The following AGBL4 variants were observed in gnomAD, a reference collection of about 807,000 sequenced individuals.
AGBL4 encodes AGBL carboxypeptidase 4, also known as cytosolic carboxypeptidase 6.
A neutral mutation model predicts 66.4 loss-of-function variants in AGBL4; 58 were observed. The ratio of observed to expected loss-of-function variants is 0.87; its 90% CI spans 0.71 to 1.09. The LOEUF is 1.09. Among genes scored for constraint, AGBL4 ranks in the 50% least tolerant of loss-of-function variants. The probability of loss-of-function intolerance (pLI) is 0.00; values close to 1 mark genes in which losing one functional copy is unlikely to be tolerated. For missense variants in AGBL4, 579 were observed against 631.0 expected (o/e 0.92, Z 0.88); for synonymous variants, 234 against 222.9 (o/e 1.05, Z -0.44).
At chr1:49,382,373 T>G (rs181198771) in intron 3 of AGBL4, among the ~76,000 whole-genome samples, 157 of 152,088 alleles carry the variant, frequency 1.0e-3, no homozygotes, top group African/African-American at 3.7e-3. Flanking sequence ...GCAATCAGTA[T>G]AATACACCAT....
chr1:49,098,677 T>C (rs1028265487), intron 4 of AGBL4, among the ~76,000 whole-genome samples: 1 of 152,086 alleles, frequency 6.6e-6, no homozygotes, highest in African/African-American at 2.4e-5. Flanking sequence ...CCTAATGACA[T>C]GAGGGTGGTC....
chr1:49,330,541 C>T (rs1167559442), intron 3 of AGBL4, among the ~76,000 whole-genome samples: 1 of 152,126 alleles, frequency 6.6e-6, no homozygotes, highest in Admixed American at 6.6e-5. Context: ...TGCTATTTAG[C>T]ATTTCTATAG....
intron 5 of AGBL4, among the ~76,000 whole-genome samples, chr1:49,031,258 T>C (rs531099954): frequency 4.5e-4 from 68 of 152,054 alleles, no homozygotes; most frequent in Non-Finnish European, 7.2e-4. Context: ...TGGCTAAATT[T>C]TGTATTTTTT....
At chr1:49,654,831 T>A (rs1646088160) in intron 3 of AGBL4, among the ~76,000 whole-genome samples, 1 of 152,172 alleles carries the variant, frequency 6.6e-6, no homozygotes, top group East Asian at 1.9e-4. Context: ...GCACGTGAGA[T>A]CGGTTTCCTG....
chr1:49,793,248 A>G (rs1644647237), intron 2 of AGBL4, among the ~76,000 whole-genome samples: 1 of 152,166 alleles, frequency 6.6e-6, no homozygotes, highest in South Asian at 2.1e-4. Context: ...CTGGTACTCA[A>G]ATTTCTGTTT....
At chr1:49,643,321 G>C (rs1645821315) in intron 3 of AGBL4, among the ~76,000 whole-genome samples, 1 of 151,638 alleles carries the variant, frequency 6.6e-6, no homozygotes, top group South Asian at 2.1e-4. Context: ...AATAAAAAAG[G>C]AACAGAGTAT....
intron 4 of AGBL4, among the ~76,000 whole-genome samples, chr1:49,153,706 C>T (rs1358823695): frequency 2.0e-5 from 3 of 151,488 alleles, no homozygotes; most frequent in African/African-American, 7.3e-5. Context: ...GGTAATAATA[C>T]CTAAACTCTT....
chr1:49,970,896 T>G (rs1658028204), intron 1 of AGBL4, among the ~76,000 whole-genome samples: 1 of 152,166 alleles, frequency 6.6e-6, no homozygotes, highest in Non-Finnish European at 1.5e-5. Flanking sequence ...CAAAGTTATA[T>G]AACTCCTTGA....
At chr1:49,486,800 A>G (rs1403636573) in intron 3 of AGBL4, among the ~76,000 whole-genome samples, 1 of 152,000 alleles carries the variant, frequency 6.6e-6, no homozygotes, top group East Asian at 1.9e-4. Context: ...ATGCAACCAA[A>G]AATGGGACAA....
Position 48,688,656 on chromosome 1 carries a change from A to G in AGBL4, c.635-25415T>C, listed in dbSNP as rs144432082. Among the ~76,000 whole-genome samples, 171 of 152,290 alleles carry G rather than the reference A, an allele frequency of 1.1e-3. 1 individual carries two copies. The highest frequency in any genetic ancestry group is 3.9e-3 in the African/African-American group (161 of 41,564). ...TGAACATTGCTGAGCCACTGCTAGC[A>G]TCTTCACAGAAGATGACACAAAGAG... On this transcript the variant is annotated intron_variant, in intron 6 of 13. Coordinates refer to ENST00000371839, the MANE Select transcript of AGBL4 (RefSeq NM_032785.4).
chr1:49,426,044 T>C (rs1461833704), intron 3 of AGBL4, among the ~76,000 whole-genome samples: 1 of 152,204 alleles, frequency 6.6e-6, no homozygotes, highest in Admixed American at 6.5e-5. Context: ...AAGCTGCATA[T>C]TTTTCATATG....
At chr1:50,019,262 ATT>A (rs1662231772) in intron 1 of AGBL4, among the ~76,000 whole-genome samples, 2 of 105,144 alleles carry the variant, frequency 1.9e-5, no homozygotes, top group African/African-American at 7.2e-5. Context: ...GAAAAAAAAT[ATT>A]CTCTCTCTCT....
chr1:49,742,711 C>T (rs1650621792), intron 2 of AGBL4, among the ~76,000 whole-genome samples: 2 of 152,208 alleles, frequency 1.3e-5, no homozygotes, highest in Admixed American at 1.3e-4. Context: ...GAGATACAGA[C>T]CAATGGAACA....
intron 3 of AGBL4, among the ~76,000 whole-genome samples, chr1:49,504,110 C>G (rs1209984293): frequency 6.6e-6 from 1 of 152,062 alleles, no homozygotes; most frequent in Non-Finnish European, 1.5e-5. Flanking sequence ...GCGGTTTCCC[C>G]CATGCTGTTC....
At chr1:49,234,464 C>A (rs1285003435) in intron 4 of AGBL4, among the ~76,000 whole-genome samples, 1 of 152,076 alleles carries the variant, frequency 6.6e-6, no homozygotes, top group Non-Finnish European at 1.5e-5. Flanking sequence ...ATATTTCAGG[C>A]ATAGGGAGAA....
intron 3 of AGBL4, among the ~76,000 whole-genome samples, chr1:49,643,646 A>G (rs1645827986): frequency 6.6e-6 from 1 of 151,696 alleles, no homozygotes; most frequent in Non-Finnish European, 1.5e-5. Flanking sequence ...GCTGGTTGAA[A>G]ACAATGCAAG....
chr1:49,164,673 A>T (rs987370270), intron 4 of AGBL4, among the ~76,000 whole-genome samples: 1 of 152,162 alleles, frequency 6.6e-6, no homozygotes, highest in Non-Finnish European at 1.5e-5. Context: ...TAACCTCAGG[A>T]ATGTCACTTA....
chr1:48,868,136 G>A (rs1367455135), intron 5 of AGBL4, among the ~76,000 whole-genome samples: 1 of 152,038 alleles, frequency 6.6e-6, no homozygotes, highest in African/African-American at 2.4e-5. Context: ...AAATAGTATT[G>A]GAAATCTCTG....
chr1:49,866,190 A>G (rs1315836923), intron 1 of AGBL4, among the ~76,000 whole-genome samples: 1 of 152,178 alleles, frequency 6.6e-6, no homozygotes. Context: ...ATACCTCAGA[A>G]TATCATCCAG....
Sources: gnomAD v4.1 joint callset for allele counts (sites outside exome capture counted in the v4.1 genomes callset) on GRCh38, gnomAD v4.1.1 for gene constraint, MANE v1.5 for transcripts, NCBI Gene and HGNC (gene_info 2026-07-23, HGNC 2026-07-21) for gene names.